Variants in ZBTB16 observed in about 807,000 individuals in gnomAD.
ZBTB16 encodes the protein zinc finger and BTB domain containing 16.
In ZBTB16, 8 loss-of-function variants were observed where a neutral mutation model predicts 56.8. That is an observed-to-expected ratio of 0.14 (90% CI 0.08 to 0.25). The LOEUF is 0.25. ZBTB16 is among the 10% of genes least tolerant of loss of function. The probability of loss-of-function intolerance (pLI) is 1.00; values close to 1 mark genes in which losing one functional copy is unlikely to be tolerated. For synonymous variants in ZBTB16, 363 were observed against 368.5 expected (o/e 0.98, Z 0.17); for missense variants, 625 against 903.0 (o/e 0.69, Z 3.95).
chr11:114,086,075 G>C (rs773437513), intron 2 of ZBTB16, among the ~76,000 whole-genome samples: 1 of 151,982 alleles, frequency 6.6e-6, no homozygotes, highest in Non-Finnish European at 1.5e-5. Context: ...AAGTTCTTAC[G>C]CCCACTAACT....
intron 4 of ZBTB16, among the ~76,000 whole-genome samples, chr11:114,198,879 G>A (rs943063845): frequency 6.6e-6 from 1 of 152,232 alleles, no homozygotes; most frequent in African/African-American, 2.4e-5. Context: ...CCGCTTCACT[G>A]CCCTGAAAGT....
chr11:114,174,103 T>C (rs1943042826), intron 3 of ZBTB16, among the ~76,000 whole-genome samples: 1 of 152,172 alleles, frequency 6.6e-6, no homozygotes, highest in Non-Finnish European at 1.5e-5. Context: ...ACTTTGTAGA[T>C]GGAGAAACAG....
chr11:114,231,968 T>C (rs1356643339), intron 4 of ZBTB16, among the ~76,000 whole-genome samples: 1 of 152,102 alleles, frequency 6.6e-6, no homozygotes, highest in Non-Finnish European at 1.5e-5. Flanking sequence ...CACAGCGAGT[T>C]AGTCACTGAG....
At chr11:114,209,130 T>C (rs1943947504) in intron 4 of ZBTB16, among the ~76,000 whole-genome samples, 1 of 151,922 alleles carries the variant, frequency 6.6e-6, no homozygotes, top group African/African-American at 2.4e-5. Context: ...ACAAAGGAGG[T>C]CTTTTTGCGA....
chr11:114,222,633 A>C lies in ZBTB16; in HGVS notation c.1454-19534A>C, dbSNP rs73567938. Among the ~76,000 whole-genome samples, 1,409 of 152,282 alleles carry C rather than the reference A, an allele frequency of 9.3e-3. 28 individuals carry two copies. The highest frequency in any genetic ancestry group is 0.032 in the African/African-American group (1,342 of 41,556). On this transcript the variant is annotated intron_variant, in intron 4 of 6. Coordinates refer to ENST00000335953, the MANE Select transcript of ZBTB16 (RefSeq NM_006006.6). ...GAACCAGGATCTTTGGCCAGGACTG[A>C]GAGCAACTCACATCTGACAAAAGCC... is the stretch of plus-strand genomic sequence containing the variant.
intron 4 of ZBTB16, among the ~76,000 whole-genome samples, chr11:114,234,161 A>G (rs1944514947): frequency 6.6e-6 from 1 of 152,220 alleles, no homozygotes; most frequent in African/African-American, 2.4e-5. Context: ...GATGCCTTCC[A>G]TGATTCTACG....
chr11:114,084,887 C>T (rs1368152532), intron 2 of ZBTB16, among the ~76,000 whole-genome samples: 1 of 152,218 alleles, frequency 6.6e-6, no homozygotes, highest in Non-Finnish European at 1.5e-5. Context: ...TAGCTCAGAT[C>T]TGCCCACCTT....
At chr11:114,241,655 TA>T (rs1944705891) in intron 4 of ZBTB16, among the ~76,000 whole-genome samples, 1 of 152,212 alleles carries the variant, frequency 6.6e-6, no homozygotes, top group Non-Finnish European at 1.5e-5. Context: ...TTGGCCAAAG[TA>T]CTTAATCTCT....
chr11:114,171,810 A>G (rs929584308), intron 3 of ZBTB16, among the ~76,000 whole-genome samples: 3 of 152,180 alleles, frequency 2.0e-5, no homozygotes, highest in African/African-American at 7.2e-5. Flanking sequence ...CCTCCATCTC[A>G]ACATTATAAA....
intron 3 of ZBTB16, among the ~76,000 whole-genome samples, chr11:114,163,408 T>C (rs1390359078): frequency 2.6e-5 from 4 of 152,052 alleles, no homozygotes; most frequent in African/African-American, 4.8e-5. Context: ...TTGTGTGGGT[T>C]GTTTTTGTTT....
At chr11:114,237,881 T>C (rs1331115423) in intron 4 of ZBTB16, among the ~76,000 whole-genome samples, 1 of 152,160 alleles carries the variant, frequency 6.6e-6, no homozygotes, top group Non-Finnish European at 1.5e-5. Context: ...AGCAGAAAAA[T>C]GGGGAAAGTG....
intron 4 of ZBTB16, among the ~76,000 whole-genome samples, chr11:114,219,666 A>C (rs1014568434): frequency 1.3e-5 from 2 of 152,232 alleles, no homozygotes; most frequent in African/African-American, 4.8e-5. Context: ...AGCTTAAAAA[A>C]AAAAAGTCTT....
At chr11:114,135,968 C>G (rs928440613) in intron 2 of ZBTB16, among the ~76,000 whole-genome samples, 2 of 152,174 alleles carry the variant, frequency 1.3e-5, no homozygotes, top group Non-Finnish European at 2.9e-5. Context: ...TCTCTGTACC[C>G]CTCACTTCCT....
At chr11:114,108,397 T>C (rs1940877239) in intron 2 of ZBTB16, among the ~76,000 whole-genome samples, 1 of 152,226 alleles carries the variant, frequency 6.6e-6, no homozygotes, top group South Asian at 2.1e-4. Flanking sequence ...CTTCTATTAC[T>C]GCAGCAGTAG....
chr11:114,097,981 G>A (rs1029663034), intron 2 of ZBTB16, among the ~76,000 whole-genome samples: 2 of 152,188 alleles, frequency 1.3e-5, no homozygotes, highest in African/African-American at 2.4e-5. Context: ...GACTTGGTAC[G>A]TATGTGGTCA....
At chr11:114,209,262 G>C (rs1333936998) in intron 4 of ZBTB16, 1 of 498,406 alleles carries the variant, frequency 2.0e-6, no homozygotes, top group East Asian at 1.5e-4. Context: ...TATTTTGTGT[G>C]CTGGAGAAGG....
At chr11:114,142,777 G>C (rs1280017033) in intron 2 of ZBTB16, among the ~76,000 whole-genome samples, 1 of 152,070 alleles carries the variant, frequency 6.6e-6, no homozygotes, top group Non-Finnish European at 1.5e-5. Context: ...GAGCTGGGGG[G>C]ATTGTGGAGG....
chr11:114,160,384 G>T (rs1026853041), intron 3 of ZBTB16, among the ~76,000 whole-genome samples: 1 of 152,144 alleles, frequency 6.6e-6, no homozygotes, highest in Non-Finnish European at 1.5e-5. Context: ...CGGAGCTCCG[G>T]CTTGTTCTTC....
Position 114,107,110 on chromosome 11 carries a change from G to T in ZBTB16, c.1268+42542G>T, listed in dbSNP as rs959548894. 2.0e-5 allele frequency among the ~76,000 whole-genome samples: 3 copies of T among 152,088 alleles called. 1 individual carries two copies. The highest frequency in any genetic ancestry group is 2.0e-4 in the Admixed American group (3 of 15,264). ...GCTAGAGTGATCCCAGCCACGAGGC[G>T]CCAGGGCCCTGGTGATCGCTCTGAT... On this transcript the variant is annotated intron_variant, in intron 2 of 6. Transcript: ENST00000335953.
Sources: allele counts gnomAD v4.1 joint callset (sites outside exome capture counted in the v4.1 genomes callset), GRCh38; gene constraint gnomAD v4.1.1; transcripts MANE v1.5; gene names NCBI Gene and HGNC (gene_info 2026-07-23, HGNC 2026-07-21).